Variants in TMEM248 observed in about 807,000 individuals in gnomAD.
TMEM248 encodes the protein transmembrane protein 248, also known as UPF0458 protein C7orf42.
Under a neutral mutation model 30.3 loss-of-function variants are expected in TMEM248, and 9 were observed. The ratio of observed to expected loss-of-function variants is 0.30; its 90% CI spans 0.18 to 0.52. The LOEUF is 0.52. Among genes scored for constraint, TMEM248 ranks in the 20% least tolerant of loss-of-function variants. TMEM248 has a pLI of 0.97. For missense variants in TMEM248, 338 were observed against 403.3 expected (o/e 0.84, Z 1.39); for synonymous variants, 184 against 154.4 (o/e 1.19, Z -1.42).
At chr7:66,951,870 C>G (rs1792277284) in intron 5 of TMEM248, among the ~76,000 whole-genome samples, 2 of 151,974 alleles carry the variant, frequency 1.3e-5, no homozygotes, top group South Asian at 2.1e-4. Context: ...CTGTGTTGCC[C>G]AGGCTGGTCT....
chr7:66,933,302 T>C (rs1791716942), intron 1 of TMEM248, among the ~76,000 whole-genome samples: 2 of 152,218 alleles, frequency 1.3e-5, no homozygotes, highest in African/African-American at 4.8e-5. Context: ...CCCACGTAGC[T>C]GGGACTATGG....
intron 1 of TMEM248, among the ~76,000 whole-genome samples, chr7:66,927,347 T>C (rs1791551734): frequency 6.6e-6 from 1 of 152,162 alleles, no homozygotes; most frequent in Admixed American, 6.6e-5. Flanking sequence ...CCTACATTCC[T>C]TTCCTTTTGT....
chr7:66,930,176 G>A (rs1355925522), intron 1 of TMEM248, among the ~76,000 whole-genome samples: 1 of 152,186 alleles, frequency 6.6e-6, no homozygotes, highest in Non-Finnish European at 1.5e-5. Context: ...ATGACTGGCA[G>A]GGATCACTAG....
chr7:66,926,375 T>C (rs1442160033), intron 1 of TMEM248, among the ~76,000 whole-genome samples: 2 of 152,158 alleles, frequency 1.3e-5, no homozygotes, highest in Non-Finnish European at 2.9e-5. Flanking sequence ...ATGCCAGCAC[T>C]TTGGGAGGCC....
intron 1 of TMEM248, among the ~76,000 whole-genome samples, chr7:66,923,792 A>G (rs1371495963): frequency 1.3e-5 from 2 of 152,020 alleles, no homozygotes; most frequent in Non-Finnish European, 2.9e-5. Flanking sequence ...CAGCCTCCTG[A>G]GTAGCTGGGA....
At chr7:66,945,730 T>C (rs1792083118) in intron 3 of TMEM248, among the ~76,000 whole-genome samples, 2 of 151,422 alleles carry the variant, frequency 1.3e-5, no homozygotes, top group African/African-American at 4.9e-5. Flanking sequence ...GTGGGTGGAT[T>C]GCCTGAGCTC....
At chr7:66,941,552 G>C (rs1243060951) in intron 1 of TMEM248, among the ~76,000 whole-genome samples, 2 of 137,112 alleles carry the variant, frequency 1.5e-5, no homozygotes, top group East Asian at 4.3e-4. Context: ...GAGAGACCCT[G>C]TTTCTTAAAA....
chr7:66,937,455 T>G (rs985865007), intron 1 of TMEM248, among the ~76,000 whole-genome samples: 1 of 152,260 alleles, frequency 6.6e-6, no homozygotes, highest in African/African-American at 2.4e-5. Context: ...AAGCAGAGTG[T>G]TGAAGTCTCC....
intron 1 of TMEM248, among the ~76,000 whole-genome samples, chr7:66,939,525 G>T (rs969594579): frequency 6.6e-6 from 1 of 152,188 alleles, no homozygotes; most frequent in Non-Finnish European, 1.5e-5. Flanking sequence ...CGCTGATACA[G>T]ACTTTTTAAA....
At chr7:66,937,913 C>T (rs1394966965) in intron 1 of TMEM248, among the ~76,000 whole-genome samples, 1 of 151,982 alleles carries the variant, frequency 6.6e-6, no homozygotes, top group Non-Finnish European at 1.5e-5. Context: ...GGTTTCTCTA[C>T]TAAAGAAACT....
chr7:66,925,365 G>GA (rs1791496427), intron 1 of TMEM248, among the ~76,000 whole-genome samples: 1 of 152,094 alleles, frequency 6.6e-6, no homozygotes, highest in Non-Finnish European at 1.5e-5. Context: ...ACTCAAAAAA[G>GA]AAAAAATATA....
At chr7:66,929,532 G>A (rs745371468) in intron 1 of TMEM248, among the ~76,000 whole-genome samples, 2 of 149,584 alleles carry the variant, frequency 1.3e-5, no homozygotes, top group African/African-American at 4.9e-5. Context: ...CGCCTCCCGG[G>A]TTCAAGCGAT....
Position 66,956,893 on chromosome 7 carries a change from T to G in TMEM248, c.*1371T>G, listed in dbSNP as rs150789844. 5.9e-5 allele frequency: 9 copies of G among 151,356 alleles called. No individual in the cohort carries two copies. Among genetic ancestry groups the G allele is most frequent in the African/African-American group, 2.2e-4 (9 of 41,424 alleles). The allele number at this position is 151,356 out of a possible 1,614,324, so 9.4% of individuals were successfully genotyped here. Reference sequence around the variant, plus strand: ...TCTCCCTCTGTTGCCCAGGCTGGTCTGGAACTCCTAGCTTCAAATGATCCT... The same window carrying G: ...TCTCCCTCTGTTGCCCAGGCTGGTCGGGAACTCCTAGCTTCAAATGATCCT... On this transcript the variant is annotated 3_prime_UTR_variant, in exon 7 of 7. Coordinates refer to ENST00000341567, the MANE Select transcript of TMEM248 (RefSeq NM_017994.5).
intron 2 of TMEM248, among the ~76,000 whole-genome samples, chr7:66,943,707 C>A (rs141102961): frequency 4.6e-4 from 70 of 152,048 alleles, no homozygotes; most frequent in African/African-American, 1.6e-3. Flanking sequence ...TTTGATAGAT[C>A]CAGTTGCAGT....
chr7:66,953,215 T>G lies in TMEM248; in HGVS notation c.781-11T>G. On this transcript the variant is annotated splice_polypyrimidine_tract_variant and intron_variant, in intron 5 of 6. Transcript: ENST00000341567. ...CAGATGTTTCTGATTTTTTTTCTCT[T>G]CTTTATTTAGGATGACCGTTCATTA... 1 of 1,613,486 alleles carries G rather than the reference T, an allele frequency of 6.2e-7. No homozygotes were observed. The highest frequency in any genetic ancestry group is 8.5e-7 in the Non-Finnish European group (1 of 1,179,842).
chr7:66,922,087 A>G (rs567757468), intron 1 of TMEM248: 1 of 152,310 alleles, frequency 6.6e-6, no homozygotes, highest in Non-Finnish European at 1.5e-5. Context: ...TACCCATCGG[A>G]CAGCTGGTGA....
At chr7:66,948,823 G>C in intron 4 of TMEM248, 129 bp downstream of exon 4, 1 of 986,372 alleles carries the variant, frequency 1.0e-6, no homozygotes. Context: ...ATCTCTACTC[G>C]GACCTATCTA....
At position 66,956,971 on chromosome 7, in the gene TMEM248, G is replaced by A. The variant is rs1248897206; in HGVS notation, c.*1449G>A. 1 of 152,462 alleles carries A rather than the reference G, an allele frequency of 6.6e-6. No individual in the cohort carries two copies. Among genetic ancestry groups the A allele is most frequent in the South Asian group, 2.1e-4 (1 of 4,820 alleles). 9.4% of individuals were successfully genotyped at this position (152,462 alleles called of 1,614,324 possible). ...ATTCCAGGCGTCAGCCACTGCTCTCGGCCCTCTTACACCATTTTGTTTGAT... is the reference window on the plus strand; with the variant it reads ...ATTCCAGGCGTCAGCCACTGCTCTCAGCCCTCTTACACCATTTTGTTTGAT... On this transcript the variant is annotated 3_prime_UTR_variant, in exon 7 of 7. Coordinates refer to ENST00000341567, the MANE Select transcript of TMEM248 (RefSeq NM_017994.5).
intron 4 of TMEM248, among the ~76,000 whole-genome samples, chr7:66,948,983 G>C (rs544936290): frequency 6.6e-6 from 1 of 152,182 alleles, no homozygotes; most frequent in South Asian, 2.1e-4. Context: ...TCCCGCAGGA[G>C]TAGAAGCAGC....
Sources: allele counts gnomAD v4.1 joint callset (sites outside exome capture counted in the v4.1 genomes callset), GRCh38; gene constraint gnomAD v4.1.1; transcripts MANE v1.5; gene names NCBI Gene and HGNC (gene_info 2026-07-23, HGNC 2026-07-21).